Variants in LSAMP observed in about 807,000 individuals in gnomAD.
The protein encoded by LSAMP is limbic system associated membrane protein.
Under a neutral mutation model 38.6 loss-of-function variants are expected in LSAMP, and 7 were observed. That is an observed-to-expected ratio of 0.18 (90% confidence interval 0.10 to 0.34). The LOEUF is 0.34. LSAMP is among the 10% of genes least tolerant of loss of function. The pLI, the probability that LSAMP is intolerant of heterozygous loss-of-function variation, is 1.00. For missense variants in LSAMP, 313 were observed against 420.0 expected, an observed-to-expected ratio of 0.75 and a Z score of 2.23; for synonymous variants, 154 against 166.8, an observed-to-expected ratio of 0.92 and a Z score of 0.59.
chr3:115,961,283 T>C (rs1938618205), intron 3 of LSAMP, among the ~76,000 whole-genome samples: 1 of 152,212 alleles, frequency 6.6e-6, no homozygotes, highest in South Asian at 2.1e-4. Context: ...GGGAGATGAG[T>C]TAGGAAGCAC....
intron 1 of LSAMP, among the ~76,000 whole-genome samples, chr3:116,202,586 A>C (rs1390953926): frequency 6.6e-6 from 1 of 152,012 alleles, no homozygotes; most frequent in Non-Finnish European, 1.5e-5. Context: ...CTAGGACTAC[A>C]GATGTGAGCC....
At chr3:116,350,177 C>T (rs2048117491) in intron 1 of LSAMP, among the ~76,000 whole-genome samples, 1 of 152,018 alleles carries the variant, frequency 6.6e-6, no homozygotes, top group Non-Finnish European at 1.5e-5. Context: ...GAATTAATTT[C>T]CAGTCACAGC....
intron 1 of LSAMP, among the ~76,000 whole-genome samples, chr3:116,094,839 T>C (rs1482501172): frequency 2.0e-5 from 3 of 152,220 alleles, no homozygotes; most frequent in Non-Finnish European, 2.9e-5. Context: ...TAGTTTCTTC[T>C]TAAGTAAAAT....
At chr3:116,267,639 G>A (rs1425470199) in intron 1 of LSAMP, among the ~76,000 whole-genome samples, 1 of 150,132 alleles carries the variant, frequency 6.7e-6, no homozygotes. Context: ...TGTCACTGGA[G>A]CAGCCACAAC....
At chr3:116,162,768 TACAC>T (rs71141856) in intron 1 of LSAMP, among the ~76,000 whole-genome samples, 7,446 of 147,364 alleles carry the variant, frequency 0.051, 203 homozygotes, top group Middle Eastern at 0.14. Context: ...CACACACTTA[TACAC>T]ACACACACAC....
chr3:115,991,406 T>C (rs1490889867), intron 3 of LSAMP, among the ~76,000 whole-genome samples: 1 of 152,128 alleles, frequency 6.6e-6, no homozygotes, highest in Non-Finnish European at 1.5e-5. Flanking sequence ...TAAAATTAAA[T>C]ACAATTATAT....
intron 3 of LSAMP, among the ~76,000 whole-genome samples, chr3:115,962,752 C>T (rs1010859210): frequency 2.5e-4 from 38 of 152,332 alleles, no homozygotes; most frequent in African/African-American, 8.7e-4. Flanking sequence ...ATTAGATCCA[C>T]AGGACATTGC....
In LSAMP at chr3:116,439,556, A is replaced by G. The variant is rs1442435086; in HGVS notation, c.155+5321T>C. Among the ~76,000 whole-genome samples the G allele has an allele frequency of 2.6e-5, 4 of 152,220 alleles. No homozygotes were observed. In the East Asian group the frequency reaches 5.8e-4, roughly 22 times the overall value. ...ACTGGCCTAAAAAAAAAGAAAAAAGAAAAAAGAATTCTCTGAAGTCTAAAT... is the reference window on the plus strand; with the variant it reads ...ACTGGCCTAAAAAAAAAGAAAAAAGGAAAAAGAATTCTCTGAAGTCTAAAT... On this transcript the variant is annotated intron_variant, in intron 1 of 6. Coordinates refer to ENST00000490035, the MANE Select transcript of LSAMP (RefSeq NM_002338.5).
rs867523765 is a variant in LSAMP at position 116,248,502 on chromosome 3, T to A, written c.156-161946A>T. ...ATGTGTGTGTGTGTGTGTGTGTGTG[T>A]GTGTGTGTGTGTGTGTGTGTGTGTG... On this transcript the variant is annotated intron_variant, in intron 1 of 6. Coordinates refer to ENST00000490035, the MANE Select transcript of LSAMP (RefSeq NM_002338.5). Among the ~76,000 whole-genome samples, 1,274 of 150,490 alleles carry A rather than the reference T, an allele frequency of 8.5e-3. 27 individuals are homozygous for A. The highest frequency in any genetic ancestry group is 0.02 in the South Asian group (94 of 4,710).
At chr3:116,001,902 AG>A (rs1255428274) in intron 3 of LSAMP, among the ~76,000 whole-genome samples, 1 of 152,206 alleles carries the variant, frequency 6.6e-6, no homozygotes, top group Non-Finnish European at 1.5e-5. Flanking sequence ...TTGCCATGTA[AG>A]GTAGCATATT....
intron 1 of LSAMP, among the ~76,000 whole-genome samples, chr3:116,398,349 G>C (rs1001845105): frequency 6.6e-6 from 1 of 152,126 alleles, no homozygotes; most frequent in Non-Finnish European, 1.5e-5. Flanking sequence ...GAGAGACTAA[G>C]ATGATCATGT....
At chr3:116,194,338 C>G (rs1202910015) in intron 1 of LSAMP, among the ~76,000 whole-genome samples, 1 of 152,046 alleles carries the variant, frequency 6.6e-6, no homozygotes, top group African/African-American at 2.4e-5. Context: ...CCCGTGGATC[C>G]CAAAGAATCA....
intron 1 of LSAMP, among the ~76,000 whole-genome samples, chr3:116,225,636 G>A (rs1559790299): frequency 6.6e-6 from 1 of 151,998 alleles, no homozygotes; most frequent in Admixed American, 6.5e-5. Flanking sequence ...TGACTCCTTT[G>A]GGTTAAATAT....
At chr3:116,088,095 G>T (rs187384417) in intron 1 of LSAMP, among the ~76,000 whole-genome samples, 1 of 151,978 alleles carries the variant, frequency 6.6e-6, no homozygotes, top group African/African-American at 2.4e-5. Flanking sequence ...GTCTTGCTGT[G>T]TTGTCCAGGC....
chr3:116,221,011 G>A (rs372412205), intron 1 of LSAMP, among the ~76,000 whole-genome samples: 4 of 151,890 alleles, frequency 2.6e-5, no homozygotes, highest in South Asian at 2.1e-4. Flanking sequence ...AAATTAGCCC[G>A]GCGTGGTGGC....
chr3:115,997,735 T>TAC (rs1168780467), intron 3 of LSAMP, among the ~76,000 whole-genome samples: 1 of 136,610 alleles, frequency 7.3e-6, no homozygotes, highest in Non-Finnish European at 1.5e-5. Flanking sequence ...TATATATATA[T>TAC]ATATATATAT....
At chr3:115,981,783 G>A (rs572836049) in intron 3 of LSAMP, among the ~76,000 whole-genome samples, 8 of 152,258 alleles carry the variant, frequency 5.3e-5, no homozygotes, top group South Asian at 2.1e-4. Flanking sequence ...TCCGCACATC[G>A]GAATTCTAAT....
At chr3:115,917,311 T>C (rs1049062873) in intron 3 of LSAMP, among the ~76,000 whole-genome samples, 1 of 152,216 alleles carries the variant, frequency 6.6e-6, no homozygotes. Context: ...TTTAGCCTAT[T>C]GTTTATTACG....
At chr3:116,009,804 T>C (rs4398428) in intron 3 of LSAMP, among the ~76,000 whole-genome samples, 57,997 of 151,858 alleles carry the variant, frequency 0.38, 11,144 homozygotes, top group Admixed American at 0.41. Context: ...ACCCCCACTA[T>C]AGCACAAGTT....
Sources: gnomAD v4.1 joint callset for allele counts (sites outside exome capture counted in the v4.1 genomes callset) on GRCh38, gnomAD v4.1.1 for gene constraint, MANE v1.5 for transcripts, NCBI Gene and HGNC (gene_info 2026-07-23, HGNC 2026-07-21) for gene names.